The following LMO7 variants were observed in gnomAD, a reference collection of about 807,000 sequenced individuals.
The protein encoded by LMO7 is LIM domain 7.
Under a neutral mutation model 206.5 loss-of-function variants are expected in LMO7, and 120 were observed. That is an observed-to-expected ratio of 0.58 (90% confidence interval 0.50 to 0.68). LMO7 has a LOEUF of 0.68. LMO7 is among the 30% of genes least tolerant of loss of function. The pLI, the probability that LMO7 is intolerant of heterozygous loss-of-function variation, is 0.00. For synonymous variants in LMO7, 706 were observed against 681.5 expected (o/e 1.04, Z -0.56); for missense variants, 1,959 against 1,957.9 (o/e 1.00, Z -0.01).
intron 6 of LMO7, among the ~76,000 whole-genome samples, chr13:75,797,962 T>C (rs2054248484): frequency 6.6e-6 from 1 of 152,220 alleles, no homozygotes; most frequent in Non-Finnish European, 1.5e-5. Context: ...TAGGTGAGCA[T>C]ATTGGTCACT....
intron 1 of LMO7, among the ~76,000 whole-genome samples, chr13:75,650,685 A>G (rs1450860607): frequency 6.6e-6 from 1 of 152,180 alleles, no homozygotes; most frequent in African/African-American, 2.4e-5. Context: ...GAATTGGTTT[A>G]TAGATTGCAT....
intron 4 of LMO7, among the ~76,000 whole-genome samples, chr13:75,784,546 A>G (rs886658112): frequency 2.6e-5 from 4 of 152,214 alleles, no homozygotes; most frequent in Admixed American, 2.0e-4. Context: ...TTTGGCATGC[A>G]TTATTTTGAC....
rs1323350991 is a variant in LMO7, at chr13:75,808,091, C to T, written c.1808C>T (p.Pro603Leu). ...TCCTGGAAACTGGGAACTACCGTGC[C>T]TCCCATCAGTTTCACCCCTGGCCCC... The part of the protein sequence containing the change: ...IQSWKLGTTV[P>L]PISFTPGPCS... Residue 603 changes from proline (P) to leucine (L), a missense_variant, in exon 10 of 31, where the codon CCT (proline) becomes CTT (leucine). Transcript: ENST00000377534. 10 of 1,613,832 alleles carry T rather than the reference C, an allele frequency of 6.2e-6. No homozygotes were observed. The highest frequency in any genetic ancestry group is 1.7e-5 in the Admixed American group (1 of 60,008).
intron 1 of LMO7, among the ~76,000 whole-genome samples, chr13:75,690,945 G>A (rs9565182): frequency 0.063 from 9,610 of 152,198 alleles, 613 homozygotes; most frequent in African/African-American, 0.16. Flanking sequence ...TTCAGAGAAT[G>A]TGTAAGGGAT....
Position 75,835,383 on chromosome 13 carries a change from A to G in LMO7, c.3333+44A>G, listed in dbSNP as rs755323385. The G allele has an allele frequency of 4.7e-6, 6 of 1,285,582 alleles. No individual in the cohort carries two copies. In the South Asian group the frequency reaches 9.6e-5, roughly 20 times the overall value. 79.6% of individuals were successfully genotyped at this position (1,285,582 alleles called of 1,614,324 possible). A position where few individuals can be genotyped will look rare whatever the true frequency, so the allele number is the denominator to read the frequency against. The stretch of plus-strand genomic sequence containing the variant: ...AGGAAGTACTGGTGTGGAGTAAAGC[A>G]GCTGTTAGAATTGTGTATGGAAGAA... On this transcript the variant is annotated intron_variant, in intron 18 of 30. Coordinates refer to ENST00000377534, the MANE Select transcript of LMO7 (RefSeq NM_001306080.2).
intron 28 of LMO7, 29 bp downstream of exon 28, chr13:75,853,417 T>C (rs2060650874): frequency 1.3e-6 from 2 of 1,525,438 alleles, no homozygotes; most frequent in African/African-American, 1.4e-5. Context: ...CTCTTTCTTC[T>C]CTTAGTCTTG....
intron 1 of LMO7, among the ~76,000 whole-genome samples, chr13:75,646,312 C>T (rs542995321): frequency 9.2e-5 from 14 of 152,350 alleles, no homozygotes; most frequent in Middle Eastern, 3.4e-3. Context: ...TATGCTGTTG[C>T]AGTAGCCTGG....
chr13:75,758,885 G>GT (rs1319584659), intron 3 of LMO7, among the ~76,000 whole-genome samples: 3 of 152,134 alleles, frequency 2.0e-5, no homozygotes, highest in Non-Finnish European at 4.4e-5. Flanking sequence ...CTAATGGTTT[G>GT]TTTTTCCTTT....
rs1482811967 is a variant in LMO7 at position 75,796,717 on chromosome 13, T to G, written c.430T>G (p.Phe144Val). ...YNGPHLNLKA[F>V]ENLLGQALTK... ...TGGTCCCCATCTTAATTTGAAAGCG[T>G]TTGAGAATCTTTTAGGACAAGCACT... The change falls in exon 6 of 31, where the codon TTT (phenylalanine) becomes GTT (valine). Residue 144 changes from phenylalanine to valine, a missense_variant. By Grantham distance (50) the Phe-to-Val change is conservative. Coordinates refer to ENST00000377534, the MANE Select transcript of LMO7 (RefSeq NM_001306080.2). The G allele has an allele frequency of 6.2e-7, 1 of 1,612,808 alleles. No individual in the cohort carries two copies. The highest frequency in any genetic ancestry group is 1.3e-5 in the African/African-American group (1 of 74,878).
intron 3 of LMO7, among the ~76,000 whole-genome samples, chr13:75,735,000 A>G (rs1363868037): frequency 6.6e-6 from 1 of 152,014 alleles, no homozygotes; most frequent in East Asian, 1.9e-4. Context: ...GGGGAGGCTG[A>G]GGCAGGAGAA....
chr13:75,684,801 G>A (rs893401229), intron 1 of LMO7, among the ~76,000 whole-genome samples: 2 of 150,060 alleles, frequency 1.3e-5, no homozygotes, highest in Non-Finnish European at 3.0e-5. Context: ...ATATATGTGT[G>A]TGTGTGTATA....
At chr13:75,699,459 A>G (rs1173218498) in intron 1 of LMO7, among the ~76,000 whole-genome samples, 3 of 149,944 alleles carry the variant, frequency 2.0e-5, no homozygotes, top group Non-Finnish European at 4.4e-5. Flanking sequence ...CAATATTTCA[A>G]TGTAGGTTAT....
rs768513899 is a variant in LMO7, at chr13:75,760,908, A to G, written c.211-24A>G. Reference sequence around the variant, plus strand: ...GTCTGAGAGAGAGCTCAGCTAAGCAATCACTTTCCACTTCTTTTCACAGGA... The same window carrying G: ...GTCTGAGAGAGAGCTCAGCTAAGCAGTCACTTTCCACTTCTTTTCACAGGA... On this transcript the variant is annotated intron_variant, in intron 3 of 30. Coordinates refer to ENST00000377534, the MANE Select transcript of LMO7 (RefSeq NM_001306080.2). 8 of 1,612,370 alleles carry G rather than the reference A, an allele frequency of 5.0e-6. No individual in the cohort carries two copies. In the East Asian group the frequency reaches 1.3e-4, roughly 27 times the overall value.
Position 75,807,802 on chromosome 13 carries a change from C to T in LMO7, c.1519C>T (p.Leu507Phe), listed in dbSNP as rs1168459594. 1.2e-6 allele frequency: 2 copies of T among 1,613,584 alleles called. No individual in the cohort carries two copies. Among genetic ancestry groups the T allele is most frequent in the Non-Finnish European group, 1.7e-6 (2 of 1,179,776 alleles). ...DIILQCREGE[L>F]VLPDLEKDDM... ...AATTTTACAGTGTAGAGAAGGTGAA[C>T]TTGTACTTCCGGATTTGGAAAAAGA... is the stretch of plus-strand genomic sequence containing the variant. Residue 507 changes from leucine (L) to phenylalanine (F), a missense_variant, in exon 10 of 31, where the codon CTT becomes TTT. Physicochemically the swap from Leu to Phe is conservative, Grantham distance 22. Coordinates refer to ENST00000377534, the MANE Select transcript of LMO7 (RefSeq NM_001306080.2).
At chr13:75,824,391 AT>A (rs2057909436) in intron 15 of LMO7, among the ~76,000 whole-genome samples, 1 of 152,098 alleles carries the variant, frequency 6.6e-6, no homozygotes, top group Non-Finnish European at 1.5e-5. Flanking sequence ...AACGTCTATA[AT>A]TTTCGATGGT....
Position 75,858,052 on chromosome 13 carries a change from AAAG to A in LMO7, c.*112_*114del, listed in dbSNP as rs2061109095. The A allele has an allele frequency of 5.2e-6, 7 of 1,358,626 alleles. No homozygotes were observed. The highest frequency in any genetic ancestry group is 1.3e-5 in the South Asian group (1 of 77,250). The allele number at this position is 1,358,626 out of a possible 1,614,324, so 84.2% of individuals were successfully genotyped here. On this transcript the variant is annotated 3_prime_UTR_variant, in exon 31 of 31. Coordinates refer to ENST00000377534, the MANE Select transcript of LMO7 (RefSeq NM_001306080.2). Reference sequence around the variant, plus strand: ...GTCTTTTTTGCTTTTTTTTTAAAAAAAAGAATAACTTTTTTTGCCTCTTTAGAT... The same window carrying A: ...GTCTTTTTTGCTTTTTTTTTAAAAAAAATAACTTTTTTTGCCTCTTTAGAT...
At chr13:75,769,225 T>G (rs973144953) in intron 4 of LMO7, among the ~76,000 whole-genome samples, 1 of 152,078 alleles carries the variant, frequency 6.6e-6, no homozygotes, top group Non-Finnish European at 1.5e-5. Context: ...GGAGCAGTTA[T>G]GTTTTAGGGG....
At chr13:75,642,680 C>A (rs149497207) in intron 1 of LMO7, among the ~76,000 whole-genome samples, 1 of 152,034 alleles carries the variant, frequency 6.6e-6, no homozygotes, top group Non-Finnish European at 1.5e-5. Flanking sequence ...GTGAAAAAAA[C>A]GGTTCTTGAT....
At chr13:75,633,819 TTATG>T (rs2035325389), upstream of LMO7, among the ~76,000 whole-genome samples, 2 of 151,624 alleles carry the variant, frequency 1.3e-5, no homozygotes, top group Non-Finnish European at 2.9e-5. Context: ...TTATTTATGT[TTATG>T]TAGGAACGTG....
Sources: allele counts gnomAD v4.1 joint callset (sites outside exome capture counted in the v4.1 genomes callset), GRCh38; gene constraint gnomAD v4.1.1; transcripts MANE v1.5; gene names NCBI Gene and HGNC (gene_info 2026-07-23, HGNC 2026-07-21).